Variants in PLCB1 observed in about 807,000 individuals in gnomAD.
The protein encoded by PLCB1 is phospholipase C beta 1.
PLCB1 carries 46 observed loss-of-function variants against 161.8 expected under a neutral mutation model. The observed-to-expected ratio is 0.28, with a 90% CI of 0.22 to 0.36. The LOEUF (loss-of-function observed/expected upper bound fraction) is 0.36, where lower values mean the gene tolerates loss of function less well. Ranked by LOEUF, PLCB1 falls within the 10% of genes least tolerant of loss-of-function variation. The pLI is 1.00. For synonymous variants in PLCB1, 517 were observed against 503.7 expected (o/e 1.03, Z -0.35); for missense variants, 1,016 against 1,472.5 (o/e 0.69, Z 5.07).
chr20:8,363,604 A>G (rs764719828), intron 2 of PLCB1, among the ~76,000 whole-genome samples: 6 of 152,174 alleles, frequency 3.9e-5, no homozygotes, highest in Admixed American at 1.3e-4. Flanking sequence ...ATTACATAAC[A>G]TAATGGTGGG....
chr20:8,500,164 A>T (rs1365102154), intron 3 of PLCB1, among the ~76,000 whole-genome samples: 1 of 152,208 alleles, frequency 6.6e-6, no homozygotes, highest in Admixed American at 6.5e-5. Context: ...GGTCATTTTG[A>T]TTGGAAACAT....
At chr20:8,673,473 A>G (rs939083016) in intron 9 of PLCB1, among the ~76,000 whole-genome samples, 3 of 152,126 alleles carry the variant, frequency 2.0e-5, no homozygotes, top group African/African-American at 4.8e-5. Context: ...AAAACTTTCA[A>G]TCTCTCTAAG....
intron 3 of PLCB1, among the ~76,000 whole-genome samples, chr20:8,499,103 A>G (rs897880127): frequency 2.0e-5 from 3 of 152,228 alleles, no homozygotes; most frequent in Non-Finnish European, 4.4e-5. Flanking sequence ...TTCAGAGTCT[A>G]TTCTCATGCC....
chr20:8,289,702 C>T (rs541418117), intron 2 of PLCB1, among the ~76,000 whole-genome samples: 1 of 152,182 alleles, frequency 6.6e-6, no homozygotes, highest in South Asian at 2.1e-4. Context: ...CAATGCATCC[C>T]TCTGGTGGAT....
intron 3 of PLCB1, among the ~76,000 whole-genome samples, chr20:8,497,938 A>G (rs1224383513): frequency 6.6e-6 from 1 of 152,162 alleles, no homozygotes; most frequent in Non-Finnish European, 1.5e-5. Context: ...TATTTTTCAC[A>G]AGTCTTCAGA....
At chr20:8,651,141 C>T (rs1156957767) in intron 7 of PLCB1, among the ~76,000 whole-genome samples, 2 of 152,118 alleles carry the variant, frequency 1.3e-5, no homozygotes, top group Non-Finnish European at 2.9e-5. Flanking sequence ...ATCTAAGCAA[C>T]AAGGAAGCCT....
At chr20:8,259,130 T>G (rs1458040765) in intron 2 of PLCB1, among the ~76,000 whole-genome samples, 1 of 152,230 alleles carries the variant, frequency 6.6e-6, no homozygotes, top group Non-Finnish European at 1.5e-5. Flanking sequence ...AGTAATATTT[T>G]ATTGGATGGA....
chr20:8,710,916 G>A (rs997940909), intron 12 of PLCB1, among the ~76,000 whole-genome samples: 6 of 151,964 alleles, frequency 3.9e-5, no homozygotes, highest in East Asian at 1.9e-4. Flanking sequence ...AATATCAACC[G>A]CCACCACCAC....
chr20:8,583,786 A>T (rs1455973023), intron 3 of PLCB1, among the ~76,000 whole-genome samples: 1 of 152,234 alleles, frequency 6.6e-6, no homozygotes, highest in Non-Finnish European at 1.5e-5. Context: ...ATTCCAGTGT[A>T]TTAGCATGAC....
At position 8,760,431 on chromosome 20, in the gene PLCB1, CAGA is replaced by C. The variant is rs1568588271; in HGVS notation, c.2685_2687del (p.Glu895del). 7.4e-6 allele frequency: 12 copies of C among 1,610,968 alleles called. No homozygotes were observed. The highest frequency in any genetic ancestry group is 1.0e-5 in the Non-Finnish European group (12 of 1,177,420). ...GGTTCTGTAAAGGCACCTGCCAAAA[CAGA>C]AGATCTTATTCAGAGTGTCTTAACA... is the stretch of plus-strand genomic sequence containing the variant. On this transcript the variant is annotated inframe_deletion, in exon 25 of 32. Transcript: ENST00000338037.
intron 2 of PLCB1, among the ~76,000 whole-genome samples, chr20:8,216,333 A>G (rs946316209): frequency 2.0e-5 from 3 of 152,094 alleles, no homozygotes; most frequent in Non-Finnish European, 4.4e-5. Context: ...CTCAAATGCT[A>G]TGGTCATTGT....
chr20:8,467,129 TG>T (rs1981858165), intron 3 of PLCB1, among the ~76,000 whole-genome samples: 1 of 151,894 alleles, frequency 6.6e-6, no homozygotes, highest in Non-Finnish European at 1.5e-5. Context: ...TTAGTAGAGA[TG>T]GGGTTTCACT....
At chr20:8,528,524 C>T (rs1984671375) in intron 3 of PLCB1, among the ~76,000 whole-genome samples, 1 of 151,928 alleles carries the variant, frequency 6.6e-6, no homozygotes, top group African/African-American at 2.4e-5. Flanking sequence ...CAGTGATTTA[C>T]CTCTAGTGGG....
At chr20:8,648,194 G>A (rs1480659048) in intron 6 of PLCB1, among the ~76,000 whole-genome samples, 1 of 152,174 alleles carries the variant, frequency 6.6e-6, no homozygotes, top group Admixed American at 6.5e-5. Flanking sequence ...GTGGGTGGAG[G>A]AAGTGGAGGG....
At position 8,737,216 on chromosome 20, in the gene PLCB1, A is replaced by C. The variant is rs149409021; in HGVS notation, c.2208+24A>C. The C allele has an allele frequency of 1.8e-5, 29 of 1,575,422 alleles. No individual in the cohort carries two copies. In the East Asian group the frequency reaches 6.1e-4, roughly 33 times the overall value. On this transcript the variant is annotated intron_variant, in intron 20 of 31. Coordinates refer to ENST00000338037, the MANE Select transcript of PLCB1 (RefSeq NM_015192.4). ...AGGTTGGTCACATGTTCTTGATATG[A>C]GTTATAACTGCATTTTTCAGGTGTT...
intron 31 of PLCB1, among the ~76,000 whole-genome samples, chr20:8,865,675 G>C (rs1001766572): frequency 2.6e-5 from 4 of 152,100 alleles, no homozygotes; most frequent in African/African-American, 9.7e-5. Context: ...TCATCCCCTA[G>C]GATCTTGCTG....
At chr20:8,732,865 ATATAT>A (rs200067293) in intron 18 of PLCB1, among the ~76,000 whole-genome samples, 3,079 of 145,052 alleles carry the variant, frequency 0.021, 55 homozygotes, top group African/African-American at 0.046. Context: ...TATATATTAG[ATATAT>A]TATATTATAT....
chr20:8,630,774 TTTG>T (rs1194714708), intron 4 of PLCB1, among the ~76,000 whole-genome samples: 1 of 152,204 alleles, frequency 6.6e-6, no homozygotes, highest in Non-Finnish European at 1.5e-5. Flanking sequence ...CAGGGAAGCT[TTTG>T]CTAAGAGTAA....
At chr20:8,844,092 G>A (rs1022377459) in intron 31 of PLCB1, among the ~76,000 whole-genome samples, 71 of 152,224 alleles carry the variant, frequency 4.7e-4, no homozygotes, top group African/African-American at 1.7e-3. Context: ...CTGTGAGAAA[G>A]TAAATACATA....
Sources: allele counts gnomAD v4.1 joint callset (sites outside exome capture counted in the v4.1 genomes callset), GRCh38; gene constraint gnomAD v4.1.1; transcripts MANE v1.5; gene names NCBI Gene and HGNC (gene_info 2026-07-23, HGNC 2026-07-21).